GPR143: variants seen among roughly 807,000 people sequenced by gnomAD.
GPR143 encodes G-protein coupled receptor 143.
Under a neutral mutation model 27.6 loss-of-function variants are expected in GPR143, and 8 were observed. The observed-to-expected ratio is 0.29, with a 90% confidence interval of 0.17 to 0.52. GPR143 has a LOEUF of 0.52. Ranked by LOEUF, GPR143 falls within the 20% of genes least tolerant of loss-of-function variation. The pLI, the probability that GPR143 is intolerant of heterozygous loss-of-function variation, is 0.96. For synonymous variants in GPR143, 156 were observed against 153.2 expected, an observed-to-expected ratio of 1.02 and a Z score of -0.13; for missense variants, 303 against 343.1, an observed-to-expected ratio of 0.88 and a Z score of 0.92.
At chrX:9,757,960 A>G (rs755914766) in intron 3 of GPR143, among the ~76,000 whole-genome samples, 1 of 110,217 alleles carries the variant, frequency 9.1e-6, no homozygotes, top group African/African-American at 3.3e-5. Flanking sequence ...GATGGGTCTC[A>G]CTGTATTGCC....
chrX:9,733,289 G>A (rs1167142315), intron 8 of GPR143, among the ~76,000 whole-genome samples: 1 of 111,903 alleles, frequency 8.9e-6, no homozygotes, highest in East Asian at 2.8e-4. Context: ...TGGAGGTTGT[G>A]GGAGACTGAA....
At chrX:9,772,908 G>C (rs1049734561) in intron 1 of GPR143, among the ~76,000 whole-genome samples, 2 of 109,798 alleles carry the variant, frequency 1.8e-5, no homozygotes, top group Non-Finnish European at 3.8e-5. Flanking sequence ...AGTTGAAACT[G>C]GCATTTGTGA....
intron 8 of GPR143, 33 bp downstream of exon 8, chrX:9,739,452 G>A (rs748581801): frequency 1.1e-5 from 12 of 1,054,506 alleles, no homozygotes; most frequent in African/African-American, 3.7e-5. Context: ...CTGGGACCCC[G>A]AAGTCTACCT....
At chrX:9,728,638 T>TGAAAAA (rs2083339862) in intron 8 of GPR143, among the ~76,000 whole-genome samples, 1 of 25,689 alleles carries the variant, frequency 3.9e-5, no homozygotes, top group Non-Finnish European at 5.4e-5. Context: ...ACCCTATCTC[T>TGAAAAA]TAAAAAAAAA....
chrX:9,741,490 C>T, intron 6 of GPR143, 35 bp from the exon 7 acceptor site: 1 of 684,605 alleles, frequency 1.5e-6, no homozygotes, highest in East Asian at 3.2e-5. Flanking sequence ...GTAAAGAGAA[C>T]ATGCAATGAA....
At chrX:9,766,899 TCTCTCACA>T (rs1444946252), upstream of GPR143, among the ~76,000 whole-genome samples, 13 of 67,144 alleles carry the variant, frequency 1.9e-4, no homozygotes, top group African/African-American at 6.8e-4. Flanking sequence ...CCTATCTCTC[TCTCTCACA>T]CACACACACA....
rs6654905 is a variant in GPR143, at chrX:9,756,191, G to A, written c.455+3141C>T. Reference sequence around the variant, plus strand: ...AAATTTATTCAATAAATGGTGCTGGGACAACTGGATATCCACATGCAAAAT... The same window carrying A: ...AAATTTATTCAATAAATGGTGCTGGAACAACTGGATATCCACATGCAAAAT... On this transcript the variant is annotated intron_variant, in intron 3 of 8. Transcript: ENST00000467482. Among the ~76,000 whole-genome samples the A allele has an allele frequency of 9.6e-3, 1,072 of 111,827 alleles. 16 individuals are homozygous for A. The highest frequency in any genetic ancestry group is 0.034 in the African/African-American group (1,041 of 30,810).
chrX:9,725,728 A>AC lies in GPR143; in HGVS notation c.*17dup, dbSNP rs751266431. The AC allele has an allele frequency of 1.5e-5, 17 of 1,119,871 alleles. No individual in the cohort carries two copies. Among genetic ancestry groups the AC allele is most frequent in the Non-Finnish European group, 2.0e-5 (16 of 814,374 alleles). The allele number at this position is 1,119,871 out of a possible 1,213,427, so 92.3% of individuals were successfully genotyped here. A position where few individuals can be genotyped will look rare whatever the true frequency, so the allele number is the denominator to read the frequency against. On this transcript the variant is annotated 3_prime_UTR_variant, in exon 9 of 9. Transcript: ENST00000467482. ...TGAGTCTGAGGAATATGGGGTCTGG[A>AC]CCCCCAGCACATCCCCTTCATAGGT...
chrX:9,775,809 T>C (rs2083569249), intron 1 of GPR143, among the ~76,000 whole-genome samples: 1 of 111,987 alleles, frequency 8.9e-6, no homozygotes, highest in Non-Finnish European at 1.9e-5. Flanking sequence ...GCAACTGTGG[T>C]TTCAAGGAAG....
Position 9,738,777 on chromosome X carries a change from T to A in GPR143, c.1120+708A>T, listed in dbSNP as rs144222293. On this transcript the variant is annotated intron_variant, in intron 8 of 8. Coordinates refer to ENST00000467482, the MANE Select transcript of GPR143 (RefSeq NM_000273.3). ...GTAGCTGTGATTACAGGTGTGTGCC[T>A]CCATGCCGGCTAATTTTGTATTTTT... 7.0e-3 allele frequency among the ~76,000 whole-genome samples: 785 copies of A among 111,784 alleles called. 4 individuals carry two copies. Among genetic ancestry groups the A allele is most frequent in the African/African-American group, 0.024 (742 of 30,771 alleles).
At chrX:9,770,323 A>AAGAAAG (rs1555917154), upstream of GPR143, among the ~76,000 whole-genome samples, 2 of 89,001 alleles carry the variant, frequency 2.2e-5, no homozygotes, top group Admixed American at 2.6e-4. Flanking sequence ...AAGAAAGAAA[A>AAGAAAG]AGAGAGAGAG....
intron 1 of GPR143, among the ~76,000 whole-genome samples, chrX:9,764,502 GCGCA>G (rs2083517926): frequency 3.1e-5 from 1 of 32,304 alleles, no homozygotes; most frequent in East Asian, 5.3e-4. Context: ...ATTTACACAC[GCGCA>G]CACACACACA....
chrX:9,760,330 G>A (rs1396741408), intron 2 of GPR143, among the ~76,000 whole-genome samples: 3 of 111,971 alleles, frequency 2.7e-5, no homozygotes, highest in African/African-American at 9.7e-5. Flanking sequence ...GGCCTCAAGT[G>A]ATCCACCTGC....
In GPR143 at chrX:9,746,145, C is replaced by G; in HGVS notation, c.557G>C (p.Arg186Pro). The change falls in exon 5 of 9, where the codon CGG becomes CCG. Residue 186 changes from arginine (R) to proline (P), a missense_variant. By Grantham distance (103) the Arg-to-Pro change is moderately radical. Coordinates refer to ENST00000467482, the MANE Select transcript of GPR143 (RefSeq NM_000273.3). ...GTGGGGGATGGCGTGGTCCAGGCCC[C>G]GCTCACACCTGAGAGAGGAAAACCA... ...LYYPSVSRCE[R>P]GLDHAIPHYV... The G allele has an allele frequency of 8.6e-7, 1 of 1,159,600 alleles. No individual in the cohort carries two copies. The highest frequency in any genetic ancestry group is 1.8e-5 in the South Asian group (1 of 55,828).
chrX:9,747,200 A>C (rs2083432700), intron 4 of GPR143, among the ~76,000 whole-genome samples: 1 of 110,518 alleles, frequency 9.0e-6, no homozygotes, highest in Non-Finnish European at 1.9e-5. Flanking sequence ...AAACAAGAGG[A>C]GAAAGAGAAG....
chrX:9,756,633 A>G (rs772997715), intron 3 of GPR143, among the ~76,000 whole-genome samples: 27 of 112,858 alleles, frequency 2.4e-4, no homozygotes, highest in Non-Finnish European at 4.1e-4. Context: ...TCAGCACATG[A>G]AAAGATGCTT....
Position 9,725,593 on chromosome X carries a change from C to T in GPR143, c.*153G>A, listed in dbSNP as rs1273525478. 2 of 474,131 alleles carry T rather than the reference C, an allele frequency of 4.2e-6. No homozygotes were observed. The highest frequency in any genetic ancestry group is 2.4e-5 in the African/African-American group (1 of 41,431). 39.1% of individuals were successfully genotyped at this position (474,131 alleles called of 1,213,427 possible). On this transcript the variant is annotated 3_prime_UTR_variant, in exon 9 of 9. Coordinates refer to ENST00000467482, the MANE Select transcript of GPR143 (RefSeq NM_000273.3). ...GAACCCTTTCTCCTATCCTAAAGGC[C>T]CTTCGGGAAGAAGCTCTAGCTGGTG...
intron 8 of GPR143, 81 bp downstream of exon 8, chrX:9,739,404 C>T (rs2083392253): frequency 1.2e-5 from 8 of 677,740 alleles, no homozygotes; most frequent in South Asian, 9.3e-5. Context: ...GGACAGCCCC[C>T]GGGACAAAGA....
chrX:9,757,593 G>A (rs968753691), intron 3 of GPR143, among the ~76,000 whole-genome samples: 14 of 111,408 alleles, frequency 1.3e-4, no homozygotes, highest in South Asian at 3.9e-4. Context: ...GGGCTGTGGG[G>A]AGGGGGCAGT....
Sources: allele counts gnomAD v4.1 joint callset (sites outside exome capture counted in the v4.1 genomes callset), GRCh38; gene constraint gnomAD v4.1.1; transcripts MANE v1.5; gene names NCBI Gene and HGNC (gene_info 2026-07-23, HGNC 2026-07-21).